The following THSD4 variants were observed in gnomAD, a reference collection of about 807,000 sequenced individuals.
The protein encoded by THSD4 is thrombospondin type-1 domain-containing protein 4.
A neutral mutation model predicts 119.0 loss-of-function variants in THSD4; 69 were observed. That is an observed-to-expected ratio of 0.58 (90% CI 0.48 to 0.71). The LOEUF (loss-of-function observed/expected upper bound fraction) is 0.71, where lower values mean the gene tolerates loss of function less well. THSD4 is among the 30% of genes least tolerant of loss of function. The pLI is 0.00. For synonymous variants in THSD4, 524 were observed against 540.4 expected (o/e 0.97, Z 0.42); for missense variants, 1,393 against 1,391.1 (o/e 1.00, Z -0.02).
intron 6 of THSD4, among the ~76,000 whole-genome samples, chr15:71,361,794 G>T (rs2045894863): frequency 6.6e-6 from 1 of 152,046 alleles, no homozygotes; most frequent in Non-Finnish European, 1.5e-5. Flanking sequence ...CCATACAAAG[G>T]GATATGAAAT....
intron 16 of THSD4, among the ~76,000 whole-genome samples, chr15:71,770,686 A>G (rs566225910): frequency 6.3e-4 from 96 of 152,330 alleles, no homozygotes; most frequent in African/African-American, 2.2e-3. Context: ...GATTCGCAAG[A>G]TAAGTGGAAG....
intron 7 of THSD4, among the ~76,000 whole-genome samples, chr15:71,442,088 A>G (rs901178773): frequency 6.6e-6 from 1 of 152,042 alleles, no homozygotes; most frequent in African/African-American, 2.4e-5. Context: ...CCTCCTGAGT[A>G]GTGGGGACTA....
intron 7 of THSD4, among the ~76,000 whole-genome samples, chr15:71,435,013 A>G (rs906194824): frequency 3.9e-5 from 6 of 152,250 alleles, no homozygotes; most frequent in African/African-American, 1.4e-4. Context: ...GACAGTTAGA[A>G]GAAAAAAGAA....
At position 71,765,043 on chromosome 15, in the gene THSD4, G is replaced by A; in HGVS notation, c.2613G>A (p.Gly871=). Residue 871 remains glycine, a synonymous_variant, in exon 16 of 18, where the codon GGG becomes GGA. Coordinates refer to ENST00000261862, the MANE Select transcript of THSD4 (RefSeq NM_024817.3). ...AGTGTTCCATCGAGTGTGGGAGCGGGACGCAACAGAGGGAGGTGATTTGTG... is the reference window on the plus strand; with the variant it reads ...AGTGTTCCATCGAGTGTGGGAGCGGAACGCAACAGAGGGAGGTGATTTGTG... ...WSQCSIECGS[G]TQQREVICVR... The A allele has an allele frequency of 1.9e-6, 3 of 1,614,168 alleles. No homozygotes were observed. The highest frequency in any genetic ancestry group is 2.5e-6 in the Non-Finnish European group (3 of 1,180,014).
intron 17 of THSD4, among the ~76,000 whole-genome samples, chr15:71,774,885 A>G (rs1220596086): frequency 1.3e-5 from 2 of 152,182 alleles, no homozygotes; most frequent in East Asian, 1.9e-4. Flanking sequence ...CGTGACTCAC[A>G]CCTGTAATCC....
At chr15:71,596,757 G>A (rs1161633538) in intron 7 of THSD4, among the ~76,000 whole-genome samples, 1 of 152,190 alleles carries the variant, frequency 6.6e-6, no homozygotes, top group East Asian at 1.9e-4. Flanking sequence ...GAATCCTGCG[G>A]GCCTCCTGGC....
At chr15:71,162,612 T>C (rs549674655) in intron 3 of THSD4, among the ~76,000 whole-genome samples, 2 of 152,162 alleles carry the variant, frequency 1.3e-5, no homozygotes, top group Admixed American at 1.3e-4. Context: ...CAGAGAGGTT[T>C]TTTGGGGGTT....
At chr15:71,341,746 A>G (rs1240317375) in intron 6 of THSD4, 1 of 871,652 alleles carries the variant, frequency 1.1e-6, no homozygotes, top group Non-Finnish European at 2.0e-6. Context: ...TTAGGAAAAG[A>G]GCTCTCTCCC....
chr15:71,154,941 T>G lies in THSD4; in HGVS notation c.99+9T>G, dbSNP rs1244131607. The G allele has an allele frequency of 6.2e-7, 1 of 1,614,024 alleles. No homozygotes were observed. Reference sequence around the variant, plus strand: ...CCACTCAACACAGGAAGGTAAGCCATGGCCATCCAGAGGTTTTCTTCTCTG... The same window carrying G: ...CCACTCAACACAGGAAGGTAAGCCAGGGCCATCCAGAGGTTTTCTTCTCTG... On this transcript the variant is annotated intron_variant, in intron 3 of 17. Transcript: ENST00000261862.
chr15:71,415,922 G>C (rs2046754304), intron 7 of THSD4, among the ~76,000 whole-genome samples: 1 of 152,140 alleles, frequency 6.6e-6, no homozygotes, highest in Admixed American at 6.5e-5. Context: ...TCAGCCTCCT[G>C]AGTAGCTGGG....
chr15:71,481,203 A>T (rs1459786511), intron 7 of THSD4, among the ~76,000 whole-genome samples: 1 of 152,202 alleles, frequency 6.6e-6, no homozygotes, highest in Non-Finnish European at 1.5e-5. Context: ...AGACTCTGTG[A>T]TAAAAGAAGC....
At position 71,133,133 on chromosome 15, in the gene THSD4, G is replaced by A. The variant is rs187204957; in HGVS notation, c.-79-8316G>A. 2.2e-3 allele frequency among the ~76,000 whole-genome samples: 336 copies of A among 152,332 alleles called. 2 individuals are homozygous for A. Among genetic ancestry groups the A allele is most frequent in the Admixed American group, 6.7e-3 (103 of 15,304 alleles). On this transcript the variant is annotated intron_variant, in intron 1 of 17. Transcript: ENST00000261862. The stretch of plus-strand genomic sequence containing the variant: ...TTATAAACTGCTCTTGGCAGCGGAT[G>A]CTGGGAAGAGGTTGAGTCTGAGAGT...
intron 17 of THSD4, among the ~76,000 whole-genome samples, chr15:71,775,714 AAAAATAAAATAAAT>A (rs1567147567): frequency 1.3e-5 from 2 of 152,176 alleles, no homozygotes; most frequent in Non-Finnish European, 2.9e-5. Context: ...CCGTCTCAAA[AAAAATAAAATAAAT>A]AAAATAAAAT....
intron 3 of THSD4, among the ~76,000 whole-genome samples, chr15:71,159,594 G>T (rs2043232516): frequency 6.6e-6 from 1 of 151,988 alleles, no homozygotes; most frequent in South Asian, 2.1e-4. Flanking sequence ...CAGATAGTTT[G>T]CAATTAACAT....
intron 2 of THSD4, among the ~76,000 whole-genome samples, chr15:71,143,188 G>A (rs1300423594): frequency 1.3e-5 from 2 of 152,140 alleles, no homozygotes; most frequent in African/African-American, 4.8e-5. Context: ...ATGATATTGA[G>A]CCACGAGGAG....
At chr15:71,604,518 C>T (rs958486304) in intron 7 of THSD4, among the ~76,000 whole-genome samples, 3 of 152,066 alleles carry the variant, frequency 2.0e-5, no homozygotes, top group Non-Finnish European at 2.9e-5. Flanking sequence ...AAGAGATGAC[C>T]TCAGATGAGT....
rs754085838 is a variant in THSD4, at chr15:71,780,670, C to T, written c.*3296C>T. The T allele has an allele frequency of 6.6e-6, 3 of 456,724 alleles. No individual in the cohort carries two copies. Among genetic ancestry groups the T allele is most frequent in the South Asian group, 4.6e-5 (3 of 64,560 alleles). 28.3% of individuals were successfully genotyped at this position (456,724 alleles called of 1,614,324 possible). On this transcript the variant is annotated 3_prime_UTR_variant, in exon 18 of 18. Transcript: ENST00000261862. ...GGGCAAGGCAGCCTGTCCCCGCCCC[C>T]AGGGAACTAGAACATGACAAGAATT...
At chr15:71,151,492 C>T (rs969759734) in intron 2 of THSD4, among the ~76,000 whole-genome samples, 1 of 151,838 alleles carries the variant, frequency 6.6e-6, no homozygotes, top group African/African-American at 2.4e-5. Context: ...CAAGAAAGCA[C>T]ATTAACTCAT....
intron 7 of THSD4, among the ~76,000 whole-genome samples, chr15:71,642,835 G>C (rs1001416619): frequency 1.3e-5 from 2 of 152,020 alleles, no homozygotes; most frequent in African/African-American, 4.8e-5. Flanking sequence ...AGCATTAAGA[G>C]ATATACCTAA....
Sources: gnomAD v4.1 joint callset for allele counts (sites outside exome capture counted in the v4.1 genomes callset) on GRCh38, gnomAD v4.1.1 for gene constraint, MANE v1.5 for transcripts, NCBI Gene and HGNC (gene_info 2026-07-23, HGNC 2026-07-21) for gene names.